MECOM: variants seen among roughly 807,000 people sequenced by gnomAD.
MECOM encodes histone-lysine N-methyltransferase MECOM.
In MECOM, 13 loss-of-function variants were observed where a neutral mutation model predicts 116.3. That is an observed-to-expected ratio of 0.11 (90% CI 0.07 to 0.18). MECOM has a LOEUF of 0.18. MECOM is among the 10% of genes least tolerant of loss of function. The pLI is 1.00. For missense variants in MECOM, 1,299 were observed against 1,509.0 expected (o/e 0.86, Z 2.31); for synonymous variants, 528 against 535.2 (o/e 0.99, Z 0.19).
At chr3:169,108,072 T>A (rs752112902) in intron 9 of MECOM, 120 bp from the exon 10 acceptor site, 10 of 715,446 alleles carry the variant, frequency 1.4e-5, no homozygotes, top group Admixed American at 8.0e-5. Context: ...ATCATGTAAC[T>A]GTACCTTGAG....
chr3:169,164,951 T>C (rs959963264), intron 2 of MECOM, among the ~76,000 whole-genome samples: 1 of 152,196 alleles, frequency 6.6e-6, no homozygotes, highest in Non-Finnish European at 1.5e-5. Context: ...GTCATATTCC[T>C]TGTCTGAGCT....
Position 169,116,081 on chromosome 3 carries a change from C to T in MECOM, c.1791G>A (p.Ser597=), listed in dbSNP as rs774868800. The T allele has an allele frequency of 5.6e-6, 9 of 1,613,912 alleles. No individual in the cohort carries two copies. The highest frequency in any genetic ancestry group is 3.3e-5 in the South Asian group (3 of 91,082). The change falls in exon 8 of 17, where the codon TCG becomes TCA. Residue 597 remains serine (S), a synonymous_variant. Transcript: ENST00000651503. ...CAATGTCACTTTCCAGATCAGAGCC[C>T]GAGGTTGTTTCCAGGTCACTGCCAC... ...TPSGSDLETT[S]GSDLESDIES...
intron 3 of MECOM, among the ~76,000 whole-genome samples, chr3:169,133,045 C>A (rs1735258517): frequency 6.6e-6 from 1 of 151,966 alleles, no homozygotes; most frequent in Admixed American, 6.6e-5. Context: ...AGCCACTGCA[C>A]CCAGCCCAGA....
intron 2 of MECOM, among the ~76,000 whole-genome samples, chr3:169,366,895 A>G (rs1293392617): frequency 1.3e-5 from 2 of 152,044 alleles, no homozygotes; most frequent in African/African-American, 2.4e-5. Context: ...GCCAATAGCC[A>G]TAGAAAGTAC....
At chr3:169,201,708 A>G (rs1645794996) in intron 2 of MECOM, among the ~76,000 whole-genome samples, 1 of 152,146 alleles carries the variant, frequency 6.6e-6, no homozygotes, top group Admixed American at 6.6e-5. Flanking sequence ...TTCCTGAGTC[A>G]TAATGCCAAC....
intron 2 of MECOM, among the ~76,000 whole-genome samples, chr3:169,336,351 A>G (rs1723586741): frequency 6.6e-6 from 1 of 152,058 alleles, no homozygotes; most frequent in Non-Finnish European, 1.5e-5. Context: ...TCTCTCATCA[A>G]ATAAAAGCTC....
At chr3:169,180,094 G>T (rs1051661007) in intron 2 of MECOM, among the ~76,000 whole-genome samples, 2 of 152,084 alleles carry the variant, frequency 1.3e-5, no homozygotes, top group Non-Finnish European at 2.9e-5. Context: ...TTTTTCCGTT[G>T]TCTGGCATTT....
At chr3:169,438,909 G>A (rs1320860451) in intron 1 of MECOM, among the ~76,000 whole-genome samples, 1 of 151,736 alleles carries the variant, frequency 6.6e-6, no homozygotes, top group African/African-American at 2.4e-5. Context: ...GGGTGCTGGG[G>A]GCAAAGATTA....
chr3:169,290,097 A>G (rs1714209134), intron 2 of MECOM, among the ~76,000 whole-genome samples: 1 of 152,138 alleles, frequency 6.6e-6, no homozygotes, highest in African/African-American at 2.4e-5. Context: ...ACTACCCTAA[A>G]CAATAGTGTT....
intron 2 of MECOM, chr3:169,145,045 C>A: frequency 6.4e-7 from 1 of 1,550,736 alleles, no homozygotes; most frequent in African/African-American, 1.4e-5. Context: ...AGTCAAGAAG[C>A]CCTATGAATA....
At chr3:169,247,225 A>T (rs1242784205) in intron 2 of MECOM, among the ~76,000 whole-genome samples, 1 of 152,220 alleles carries the variant, frequency 6.6e-6, no homozygotes, top group African/African-American at 2.4e-5. Context: ...TAAAAACATG[A>T]ATAAACCTAT....
At chr3:169,540,913 A>G (rs1041261737) in intron 1 of MECOM, among the ~76,000 whole-genome samples, 1 of 152,216 alleles carries the variant, frequency 6.6e-6, no homozygotes, top group African/African-American at 2.4e-5. Context: ...TCCTTGGCAC[A>G]TCAAACCACT....
chr3:169,171,327 G>C (rs1385924748), intron 2 of MECOM, among the ~76,000 whole-genome samples: 1 of 152,074 alleles, frequency 6.6e-6, no homozygotes, highest in Non-Finnish European at 1.5e-5. Flanking sequence ...CTCAAGGTAG[G>C]CTGCCAGATT....
intron 5 of MECOM, among the ~76,000 whole-genome samples, chr3:169,125,127 A>G (rs1051278961): frequency 6.6e-6 from 1 of 152,160 alleles, no homozygotes; most frequent in Non-Finnish European, 1.5e-5. Flanking sequence ...TTCTGAGCAC[A>G]GGTGGTGATA....
intron 2 of MECOM, among the ~76,000 whole-genome samples, chr3:169,270,549 A>G (rs906707533): frequency 6.6e-6 from 1 of 152,148 alleles, no homozygotes; most frequent in African/African-American, 2.4e-5. Context: ...TAACCCTTTC[A>G]GAAAGCAAGA....
chr3:169,172,345 C>T (rs893393760), intron 2 of MECOM, among the ~76,000 whole-genome samples: 1 of 151,402 alleles, frequency 6.6e-6, no homozygotes, highest in Admixed American at 6.6e-5. Flanking sequence ...ATGTCAATGT[C>T]TTTTCTTACT....
At chr3:169,562,280 T>C (rs1762749684) in intron 1 of MECOM, among the ~76,000 whole-genome samples, 3 of 148,062 alleles carry the variant, frequency 2.0e-5, no homozygotes, top group African/African-American at 7.5e-5. Context: ...CTAAACAAAA[T>C]AAACAGAGTG....
intron 12 of MECOM, among the ~76,000 whole-genome samples, chr3:169,099,927 T>C (rs1191957206): frequency 6.6e-6 from 1 of 152,006 alleles, no homozygotes; most frequent in Non-Finnish European, 1.5e-5. Flanking sequence ...TATGACTAAT[T>C]TTGGCATGTA....
chr3:169,562,547 C>T (rs193082407), intron 1 of MECOM, among the ~76,000 whole-genome samples: 4 of 152,152 alleles, frequency 2.6e-5, no homozygotes, highest in African/African-American at 4.8e-5. Context: ...GCTTCAGCTA[C>T]GTGTATTGAT....
Sources: gnomAD v4.1 joint callset for allele counts (sites outside exome capture counted in the v4.1 genomes callset) on GRCh38, gnomAD v4.1.1 for gene constraint, MANE v1.5 for transcripts, NCBI Gene and HGNC (gene_info 2026-07-23, HGNC 2026-07-21) for gene names.